Variants in ANKS1B observed in about 807,000 individuals in gnomAD.
The protein encoded by ANKS1B is ankyrin repeat and sterile alpha motif domain-containing protein 1B.
A neutral mutation model predicts 148.3 loss-of-function variants in ANKS1B; 36 were observed. The observed-to-expected ratio is 0.24, with a 90% CI of 0.19 to 0.32. ANKS1B has a LOEUF of 0.32. Among genes scored for constraint, ANKS1B ranks in the 10% least tolerant of loss-of-function variants. ANKS1B has a pLI of 1.00. For missense variants in ANKS1B, 1,157 were observed against 1,542.6 expected (o/e 0.75, Z 4.19); for synonymous variants, 542 against 560.8 (o/e 0.97, Z 0.47).
intron 11 of ANKS1B, among the ~76,000 whole-genome samples, 175 bp downstream of exon 11, chr12:99,443,498 G>A (rs2152796857): frequency 6.6e-6 from 1 of 152,062 alleles, no homozygotes; most frequent in East Asian, 1.9e-4. Context: ...AGATTTCAGT[G>A]TTTATCACCA....
chr12:98,761,893 C>T (rs893310647), intron 25 of ANKS1B, among the ~76,000 whole-genome samples: 1 of 152,192 alleles, frequency 6.6e-6, no homozygotes, highest in Non-Finnish European at 1.5e-5. Flanking sequence ...TCTGAGTGGA[C>T]CATTTTGACC....
At chr12:99,461,920 C>T (rs539501438) in intron 10 of ANKS1B, among the ~76,000 whole-genome samples, 1 of 152,344 alleles carries the variant, frequency 6.6e-6, no homozygotes, top group Admixed American at 6.5e-5. Flanking sequence ...CCTCTCTCTT[C>T]CACACTACAT....
In ANKS1B at chr12:98,873,166, C is replaced by A. The variant is rs567587714; in HGVS notation, c.2779-41030G>T. Among the ~76,000 whole-genome samples, 3 of 152,322 alleles carry A rather than the reference C, an allele frequency of 2.0e-5. No homozygotes were observed. In the South Asian group the frequency reaches 6.2e-4, roughly 32 times the overall value. ...TCTGCTACACCCTATAAACCCACCT[C>A]TGGCACAGCACATATCACACCATGT... On this transcript the variant is annotated intron_variant, in intron 17 of 26. Transcript: ENST00000683438.
intron 1 of ANKS1B, among the ~76,000 whole-genome samples, chr12:99,899,630 A>G (rs1247428814): frequency 6.6e-6 from 1 of 152,126 alleles, no homozygotes. Flanking sequence ...CAAGAGGAAA[A>G]AAAGTCATCT....
chr12:99,640,664 C>T lies in ANKS1B; in HGVS notation c.1272+14403G>A, dbSNP rs1005107007. Among the ~76,000 whole-genome samples the T allele has an allele frequency of 7.9e-5, 12 of 152,060 alleles. No homozygotes were observed. The South Asian group carries it at 1.0e-3, about 13-fold the overall frequency. ...TTCTTTTCTTTATAAATTATCCAGT[C>T]GGTGGTATTCTGTTACAGCAGCACA... On this transcript the variant is annotated intron_variant, in intron 9 of 26. Transcript: ENST00000683438.
chr12:98,837,104 G>C (rs979010753), intron 17 of ANKS1B, among the ~76,000 whole-genome samples: 1 of 152,056 alleles, frequency 6.6e-6, no homozygotes, highest in Non-Finnish European at 1.5e-5. Context: ...GGCTGAGATG[G>C]GTGGATCACG....
chr12:99,941,188 G>C (rs1004574770), intron 1 of ANKS1B, among the ~76,000 whole-genome samples: 1 of 152,048 alleles, frequency 6.6e-6, no homozygotes, highest in African/African-American at 2.4e-5. Context: ...AGAAGACAGG[G>C]ACATGAAGAA....
chr12:99,355,944 TA>T (rs1174749835), intron 12 of ANKS1B, among the ~76,000 whole-genome samples: 1 of 152,102 alleles, frequency 6.6e-6, no homozygotes, highest in Non-Finnish European at 1.5e-5. Context: ...GAAATTATAA[TA>T]AAATTATTAA....
At chr12:99,461,013 C>T (rs187442681) in intron 10 of ANKS1B, among the ~76,000 whole-genome samples, 5 of 150,958 alleles carry the variant, frequency 3.3e-5, no homozygotes, top group East Asian at 1.9e-4. Context: ...CATCAATCAA[C>T]GAGTGGATAA....
At chr12:99,494,732 CA>C (rs59115173) in intron 10 of ANKS1B, among the ~76,000 whole-genome samples, 1,023 of 55,946 alleles carry the variant, frequency 0.018, 2 homozygotes, top group African/African-American at 0.045. Context: ...CACTCTGTCT[CA>C]AAAAAAAAAA....
At chr12:99,782,241 G>C in intron 4 of ANKS1B, 144 bp from the exon 5 acceptor site, 1 of 696,732 alleles carries the variant, frequency 1.4e-6, no homozygotes, top group South Asian at 1.9e-5. Flanking sequence ...GTGGAATAAA[G>C]AAGAGATTCT....
chr12:98,826,812 T>C (rs756030346), intron 19 of ANKS1B, among the ~76,000 whole-genome samples: 1 of 152,166 alleles, frequency 6.6e-6, no homozygotes, highest in Non-Finnish European at 1.5e-5. Flanking sequence ...GGCTGCTTGC[T>C]TGCAAAAATT....
intron 15 of ANKS1B, among the ~76,000 whole-genome samples, chr12:99,133,745 T>C (rs2066961505): frequency 6.6e-6 from 1 of 152,232 alleles, no homozygotes; most frequent in African/African-American, 2.4e-5. Flanking sequence ...GCTGTCTCTT[T>C]GCAATCTTAG....
intron 14 of ANKS1B, among the ~76,000 whole-genome samples, chr12:99,182,576 G>GT (rs1250788875): frequency 6.6e-6 from 1 of 152,032 alleles, no homozygotes; most frequent in East Asian, 1.9e-4. Flanking sequence ...TGGACACTTG[G>GT]TTTTTTCCAA....
At chr12:99,191,713 G>C (rs1348799460) in intron 14 of ANKS1B, among the ~76,000 whole-genome samples, 3 of 152,154 alleles carry the variant, frequency 2.0e-5, no homozygotes, top group Non-Finnish European at 4.4e-5. Flanking sequence ...AACTAGGGGA[G>C]GGATAGCATT....
Position 98,735,419 on chromosome 12 carries a change from T to C in ANKS1B, c.*141A>G, listed in dbSNP as rs140352209. The C allele has an allele frequency of 0.025, 10,746 of 427,004 alleles. 177 individuals carry two copies. Among genetic ancestry groups the C allele is most frequent in the Non-Finnish European group, 0.033 (7,925 of 237,836 alleles). 26.5% of individuals were successfully genotyped at this position (427,004 alleles called of 1,614,324 possible). A position where few individuals can be genotyped will look rare whatever the true frequency, so the allele number is the denominator to read the frequency against. On this transcript the variant is annotated 3_prime_UTR_variant, in exon 10 of 10. Transcript: ENST00000341752. ...TTTTGTAAAAATAAAATTCACAAAATTGTTTTGAAAAACATTTTTGGATTG... is the reference window on the plus strand; with the variant it reads ...TTTTGTAAAAATAAAATTCACAAAACTGTTTTGAAAAACATTTTTGGATTG...
chr12:98,912,007 A>G (rs2152842927), intron 17 of ANKS1B, among the ~76,000 whole-genome samples: 1 of 152,228 alleles, frequency 6.6e-6, no homozygotes, highest in South Asian at 2.1e-4. Flanking sequence ...TTCTTCTTTC[A>G]TGTGTTACCT....
chr12:99,946,387 G>A (rs2095061996), intron 1 of ANKS1B, among the ~76,000 whole-genome samples: 1 of 152,130 alleles, frequency 6.6e-6, no homozygotes, highest in Non-Finnish European at 1.5e-5. Flanking sequence ...CAGGGTGCCA[G>A]CATGGTAGAG....
chr12:99,972,262 G>A (rs1174864297), intron 1 of ANKS1B, among the ~76,000 whole-genome samples: 1 of 152,188 alleles, frequency 6.6e-6, no homozygotes. Flanking sequence ...AGCTAGAAAT[G>A]AATAAACTTA....
Sources: allele counts gnomAD v4.1 joint callset (sites outside exome capture counted in the v4.1 genomes callset), GRCh38; gene constraint gnomAD v4.1.1; transcripts MANE v1.5; gene names NCBI Gene and HGNC (gene_info 2026-07-23, HGNC 2026-07-21).